The following REPS2 variants were observed in gnomAD, a reference collection of about 807,000 sequenced individuals.
REPS2 encodes ralBP1-associated Eps domain-containing protein 2.
A neutral mutation model predicts 53.6 loss-of-function variants in REPS2; 23 were observed. That is an observed-to-expected ratio of 0.43 (90% CI 0.31 to 0.61). REPS2 has a LOEUF of 0.61. Among genes scored for constraint, REPS2 ranks in the 20% least tolerant of loss-of-function variants. The pLI, the probability that REPS2 is intolerant of heterozygous loss-of-function variation, is 0.11. For missense variants in REPS2, 446 were observed against 534.9 expected, an observed-to-expected ratio of 0.83 and a Z score of 1.64; for synonymous variants, 238 against 218.6, an observed-to-expected ratio of 1.09 and a Z score of -0.78.
intron 7 of REPS2, 119 bp from the exon 8 acceptor site, chrX:17,054,689 G>T: frequency 4.0e-6 from 3 of 743,567 alleles, no homozygotes; most frequent in Admixed American, 6.0e-5. Flanking sequence ...TGGCTAGGAG[G>T]GTTTGGGTAT....
At chrX:17,009,395 T>TA (rs2061402321) in intron 2 of REPS2, among the ~76,000 whole-genome samples, 1 of 110,350 alleles carries the variant, frequency 9.1e-6, no homozygotes, top group South Asian at 3.8e-4. Context: ...CTTGAACTAC[T>TA]GAGCTCAAGT....
At chrX:16,951,409 A>G (rs1378021518) in intron 1 of REPS2, among the ~76,000 whole-genome samples, 5 of 110,037 alleles carry the variant, frequency 4.5e-5, no homozygotes, top group Non-Finnish European at 9.5e-5. Flanking sequence ...GCTCACGCCT[A>G]TAAATCCCAG....
chrX:17,037,108 C>T (rs2061775571), intron 5 of REPS2, among the ~76,000 whole-genome samples: 1 of 110,445 alleles, frequency 9.1e-6, no homozygotes, highest in Non-Finnish European at 1.9e-5. Flanking sequence ...TTCATAGCCT[C>T]CAGTCTCCTG....
chrX:16,986,541 G>A (rs2061092938), intron 1 of REPS2, among the ~76,000 whole-genome samples: 1 of 111,932 alleles, frequency 8.9e-6, no homozygotes, highest in South Asian at 3.7e-4. Context: ...AGGAACCAAG[G>A]AGTTTGTGTG....
chrX:17,164,754 A>T, the REPS2 span, among the ~76,000 whole-genome samples: 1 of 111,883 alleles, frequency 8.9e-6, no homozygotes, highest in Admixed American at 9.5e-5. Context: ...TAGAAAAACA[A>T]CAGAAAACTA....
chrX:17,061,350 G>C (rs1162488418), intron 8 of REPS2, among the ~76,000 whole-genome samples: 2 of 112,007 alleles, frequency 1.8e-5, no homozygotes, highest in African/African-American at 6.5e-5. Context: ...ATGTTGCCCA[G>C]GCTGGTCTCA....
At chrX:17,059,843 T>A (rs1321724868) in intron 8 of REPS2, among the ~76,000 whole-genome samples, 1 of 111,342 alleles carries the variant, frequency 9.0e-6, no homozygotes, top group Non-Finnish European at 1.9e-5. Context: ...TAGTCCCTTT[T>A]CCCTAATAGT....
chrX:17,119,763 A>G (rs2063113841), intron 14 of REPS2, among the ~76,000 whole-genome samples: 1 of 110,882 alleles, frequency 9.0e-6, no homozygotes, highest in South Asian at 3.8e-4. Flanking sequence ...ATAACTACCA[A>G]TATAGCCCAG....
rs752577749 is a variant in REPS2 at position 17,001,674 on chromosome X, G to T, written c.274-4547G>T. Among the ~76,000 whole-genome samples, 5 of 112,305 alleles carry T rather than the reference G, an allele frequency of 4.5e-5. No individual in the cohort carries two copies. In the South Asian group the frequency reaches 1.5e-3, roughly 33 times the overall value. On this transcript the variant is annotated intron_variant, in intron 1 of 17. Coordinates refer to ENST00000357277, the MANE Select transcript of REPS2 (RefSeq NM_004726.3). ...GGAATGTGAATGTGGACCATATGTT[G>T]TATGTTAGTCCATTTTCACGCTGCT...
intron 1 of REPS2, among the ~76,000 whole-genome samples, chrX:16,951,548 CA>C (rs1569083695): frequency 9.7e-4 from 32 of 33,153 alleles, no homozygotes; most frequent in South Asian, 4.4e-3. Context: ...CACACACACA[CA>C]CACACACACA....
chrX:16,962,331 CAG>C (rs1247373741), intron 1 of REPS2, among the ~76,000 whole-genome samples: 1 of 102,364 alleles, frequency 9.8e-6, no homozygotes, highest in East Asian at 3.2e-4. Flanking sequence ...ACACAGATGA[CAG>C]AATATTATTC....
At chrX:17,016,029 C>T (rs749341012) in intron 2 of REPS2, among the ~76,000 whole-genome samples, 1 of 111,840 alleles carries the variant, frequency 8.9e-6, no homozygotes, top group African/African-American at 3.3e-5. Flanking sequence ...GTCCCACCAA[C>T]AGTGTAAAAG....
chrX:17,160,745 T>C, the REPS2 span, among the ~76,000 whole-genome samples: 2 of 112,317 alleles, frequency 1.8e-5, no homozygotes, highest in Non-Finnish European at 3.8e-5. Context: ...AAGGTAAAGT[T>C]GAGAGCCAAC....
At chrX:17,178,040 T>A in the REPS2 span, among the ~76,000 whole-genome samples, 2 of 111,937 alleles carry the variant, frequency 1.8e-5, no homozygotes, top group Non-Finnish European at 3.8e-5. Context: ...ATGGGGATTG[T>A]TCTTTGGAGA....
At chrX:16,966,122 G>A (rs141282378) in intron 1 of REPS2, among the ~76,000 whole-genome samples, 3,787 of 111,150 alleles carry the variant, frequency 0.034, 178 homozygotes, top group African/African-American at 0.12. Flanking sequence ...GAGGGAGACC[G>A]TGGGGAGAGG....
intron 1 of REPS2, among the ~76,000 whole-genome samples, chrX:16,994,256 G>A (rs751735220): frequency 4.5e-5 from 5 of 112,032 alleles, no homozygotes; most frequent in South Asian, 3.7e-4. Flanking sequence ...CCCATCAATC[G>A]AGTGGATAAA....
intron 2 of REPS2, among the ~76,000 whole-genome samples, chrX:17,015,453 C>T (rs1320496117): frequency 2.7e-5 from 3 of 109,997 alleles, no homozygotes; most frequent in African/African-American, 9.9e-5. Context: ...GGTACATGTG[C>T]ACAACGTGCA....
chrX:16,974,271 C>T (rs762989816), intron 1 of REPS2, among the ~76,000 whole-genome samples: 2 of 111,493 alleles, frequency 1.8e-5, no homozygotes, highest in African/African-American at 3.3e-5. Context: ...TGATCTGGAA[C>T]AGATCTTATA....
rs1035807348 is a variant in REPS2, at chrX:17,152,992, C to G, written c.*5511C>G. 2 of 112,527 alleles carry G rather than the reference C, an allele frequency of 1.8e-5. No individual in the cohort carries two copies. The highest frequency in any genetic ancestry group is 3.8e-5 in the Non-Finnish European group (2 of 53,257). 9.3% of individuals were successfully genotyped at this position (112,527 alleles called of 1,213,427 possible). On this transcript the variant is annotated 3_prime_UTR_variant, in exon 18 of 18. Coordinates refer to ENST00000357277, the MANE Select transcript of REPS2 (RefSeq NM_004726.3). Reference sequence around the variant, plus strand: ...GTAACAGCAAAGTATATATTTGATGCCTTCTGTCTTTTCATGATAATGTGC... The same window carrying G: ...GTAACAGCAAAGTATATATTTGATGGCTTCTGTCTTTTCATGATAATGTGC...
Sources: gnomAD v4.1 joint callset for allele counts (sites outside exome capture counted in the v4.1 genomes callset) on GRCh38, gnomAD v4.1.1 for gene constraint, MANE v1.5 for transcripts, NCBI Gene and HGNC (gene_info 2026-07-23, HGNC 2026-07-21) for gene names.